GLO1: variants seen among roughly 807,000 people sequenced by gnomAD.
GLO1 encodes the protein lactoylglutathione lyase.
GLO1 carries 28 observed loss-of-function variants against 26.0 expected under a neutral mutation model. The ratio of observed to expected loss-of-function variants is 1.08; its 90% CI spans 0.80 to 1.48. GLO1 has a LOEUF of 1.48. Ranked by LOEUF, GLO1 falls within the 40% of genes most tolerant of loss-of-function variation. The pLI, the probability that GLO1 is intolerant of heterozygous loss-of-function variation, is 0.00. For synonymous variants in GLO1, 78 were observed against 77.6 expected (o/e 1.00, Z -0.03); for missense variants, 225 against 224.8 (o/e 1.00, Z -0.01).
At chr6:38,691,057 TG>T in intron 1 of GLO1, among the ~76,000 whole-genome samples, 1 of 152,316 alleles carries the variant, frequency 6.6e-6, no homozygotes, top group South Asian at 2.1e-4. Flanking sequence ...GTAAGACTTA[TG>T]CTATGCTCAT....
intron 1 of GLO1, among the ~76,000 whole-genome samples, 185 bp downstream of exon 1, chr6:38,702,786 A>G (rs1761724115): frequency 6.6e-6 from 1 of 152,004 alleles, no homozygotes; most frequent in African/African-American, 2.4e-5. Flanking sequence ...GAGGCAACAG[A>G]TCCCCTCCAC....
chr6:38,682,623 G>A (rs945564635), intron 4 of GLO1, among the ~76,000 whole-genome samples, 185 bp downstream of exon 4: 3 of 151,966 alleles, frequency 2.0e-5, no homozygotes, highest in African/African-American at 7.3e-5. Context: ...ATTTTAGATC[G>A]AGACTCTGAA....
intron 5 of GLO1, among the ~76,000 whole-genome samples, chr6:38,681,313 T>C (rs1413470753): frequency 1.3e-5 from 2 of 152,168 alleles, no homozygotes; most frequent in South Asian, 2.1e-4. Context: ...CCGCCCGCCT[T>C]GGCCTCCCAA....
chr6:38,695,116 G>T (rs1761589927), intron 1 of GLO1, among the ~76,000 whole-genome samples: 1 of 151,900 alleles, frequency 6.6e-6, no homozygotes, highest in Non-Finnish European at 1.5e-5. Flanking sequence ...GCTTAAGTTG[G>T]CCATTTTATT....
At chr6:38,687,295 C>T (rs978297227) in intron 1 of GLO1, among the ~76,000 whole-genome samples, 11 of 151,636 alleles carry the variant, frequency 7.3e-5, no homozygotes, top group Non-Finnish European at 1.5e-5. Flanking sequence ...CCTCAGTTGC[C>T]CACAGTGGTA....
intron 1 of GLO1, among the ~76,000 whole-genome samples, chr6:38,702,181 C>G (rs1412716008): frequency 6.6e-6 from 1 of 152,156 alleles, no homozygotes; most frequent in Non-Finnish European, 1.5e-5. Context: ...CCCGCCTTGG[C>G]CTCCCAAAGT....
chr6:38,684,939 CCAAAA>C (rs1424708635), intron 2 of GLO1, among the ~76,000 whole-genome samples: 9 of 151,898 alleles, frequency 5.9e-5, no homozygotes, highest in African/African-American at 1.9e-4. Flanking sequence ...TCTTACTATG[CCAAAA>C]CATCTAGGAA....
At chr6:38,702,560 A>C (rs1761720688) in intron 1 of GLO1, among the ~76,000 whole-genome samples, 1 of 152,200 alleles carries the variant, frequency 6.6e-6, no homozygotes, top group African/African-American at 2.4e-5. Flanking sequence ...TGCAGGAGTT[A>C]AGACTGCAGT....
At chr6:38,699,595 TA>T (rs1761665149) in intron 1 of GLO1, among the ~76,000 whole-genome samples, 1 of 152,126 alleles carries the variant, frequency 6.6e-6, no homozygotes, top group Non-Finnish European at 1.5e-5. Flanking sequence ...ATATTAATAT[TA>T]ATACCCTGGG....
At chr6:38,678,409 G>GGAAAAGAAAA (rs67239641) in intron 5 of GLO1, among the ~76,000 whole-genome samples, 65 of 142,182 alleles carry the variant, frequency 4.6e-4, no homozygotes, top group African/African-American at 1.7e-3. Context: ...GAAAAGAAAA[G>GGAAAAGAAAA]GAAAAGAAAA....
At chr6:38,685,319 G>GGA (rs1761447320) in intron 2 of GLO1, among the ~76,000 whole-genome samples, 1 of 152,164 alleles carries the variant, frequency 6.6e-6, no homozygotes, top group African/African-American at 2.4e-5. Flanking sequence ...GAGACTGATG[G>GGA]GAGAGAGAGT....
chr6:38,698,451 G>A (rs1049427101), intron 1 of GLO1, among the ~76,000 whole-genome samples: 1 of 146,982 alleles, frequency 6.8e-6, no homozygotes, highest in Non-Finnish European at 1.5e-5. Context: ...TATATTTATA[G>A]ATATATTTAT....
Position 38,682,789 on chromosome 6 carries a change from T to C in GLO1, c.376+19A>G, listed in dbSNP as rs756397103. The C allele has an allele frequency of 6.8e-7, 1 of 1,467,512 alleles. No homozygotes were observed. The highest frequency in any genetic ancestry group is 1.1e-5 in the South Asian group (1 of 87,704). 90.9% of individuals were successfully genotyped at this position (1,467,512 alleles called of 1,614,324 possible). A position where few individuals can be genotyped will look rare whatever the true frequency, so the allele number is the denominator to read the frequency against. ...ATCACACAAATCTACATATATCACATAAAAACAGGCAAACTTACCGAATCC... is the reference window on the plus strand; with the variant it reads ...ATCACACAAATCTACATATATCACACAAAAACAGGCAAACTTACCGAATCC... On this transcript the variant is annotated intron_variant, in intron 4 of 5. Coordinates refer to ENST00000373365, the MANE Select transcript of GLO1 (RefSeq NM_006708.3).
chr6:38,691,165 CTT>C (rs1388114850), intron 1 of GLO1, among the ~76,000 whole-genome samples: 2 of 152,064 alleles, frequency 1.3e-5, no homozygotes, highest in African/African-American at 4.8e-5. Flanking sequence ...CCTAAACTAT[CTT>C]TGGTTTTACA....
rs184413619 is a variant in GLO1 at position 38,686,469 on chromosome 6, T to A, written c.167+423A>T. On this transcript the variant is annotated intron_variant, in intron 2 of 5. Transcript: ENST00000373365. Reference sequence around the variant, plus strand: ...TGCAAGATCAGTGGATATGACCTGTTGAGCAAAAGAAAACACAGCCTAGAA... The same window carrying A: ...TGCAAGATCAGTGGATATGACCTGTAGAGCAAAAGAAAACACAGCCTAGAA... Among the ~76,000 whole-genome samples the A allele has an allele frequency of 2.6e-4, 39 of 152,332 alleles. 1 individual carries two copies. The highest frequency in any genetic ancestry group is 2.5e-3 in the Admixed American group (39 of 15,296).
chr6:38,686,871 G>A lies in GLO1; in HGVS notation c.167+21C>T, dbSNP rs199584798. On this transcript the variant is annotated intron_variant, in intron 2 of 5. Coordinates refer to ENST00000373365, the MANE Select transcript of GLO1 (RefSeq NM_006708.3). ...AAGCTATATATTTAAACATTAAGGT[G>A]CCAATAAGTACTTGACTTACGTCAT... 2.1e-5 allele frequency: 26 copies of A among 1,251,318 alleles called. No individual in the cohort carries two copies. The East Asian group carries it at 4.4e-4, about 21-fold the overall frequency. 77.5% of individuals were successfully genotyped at this position (1,251,318 alleles called of 1,614,324 possible). A position where few individuals can be genotyped will look rare whatever the true frequency, so the allele number is the denominator to read the frequency against.
Position 38,682,876 on chromosome 6 carries a change from C to G in GLO1, c.309-1G>C. 1 of 1,559,956 alleles carries G rather than the reference C, an allele frequency of 6.4e-7. No individual in the cohort carries two copies. The highest frequency in any genetic ancestry group is 8.8e-7 in the Non-Finnish European group (1 of 1,130,242). ...CTCATCATCTTCAGTGCCCCAATTG[C>G]TACAAAAGGAAGGAAAACATAGCTA... On this transcript the variant is annotated splice_acceptor_variant, in intron 3 of 5. Transcript: ENST00000373365. LOFTEE classifies it high-confidence loss of function.
chr6:38,695,760 G>C (rs1311770457), intron 1 of GLO1, among the ~76,000 whole-genome samples: 1 of 152,184 alleles, frequency 6.6e-6, no homozygotes, highest in Non-Finnish European at 1.5e-5. Context: ...TTGGAGTAGA[G>C]CAGTTATTGT....
At chr6:38,693,685 C>CTCTCTATATATATATATATATA (rs869232489) in intron 1 of GLO1, among the ~76,000 whole-genome samples, 7 of 86,440 alleles carry the variant, frequency 8.1e-5, no homozygotes, top group East Asian at 2.9e-4. Flanking sequence ...CTCTCTCTCT[C>CTCTCTATATATATATATATATA]TATATATATA....
Sources: allele counts gnomAD v4.1 joint callset (sites outside exome capture counted in the v4.1 genomes callset), GRCh38; gene constraint gnomAD v4.1.1; transcripts MANE v1.5; gene names NCBI Gene and HGNC (gene_info 2026-07-23, HGNC 2026-07-21).